CHD9: variants seen among roughly 807,000 people sequenced by gnomAD.
CHD9 encodes chromodomain helicase DNA binding protein 9.
CHD9 carries 77 observed loss-of-function variants against 316.1 expected under a neutral mutation model. The observed-to-expected ratio is 0.24, with a 90% CI of 0.20 to 0.29. The LOEUF (loss-of-function observed/expected upper bound fraction) is 0.29, where lower values mean the gene tolerates loss of function less well. Ranked by LOEUF, CHD9 falls within the 10% of genes least tolerant of loss-of-function variation. CHD9 has a pLI of 1.00. For missense variants in CHD9, 2,763 were observed against 3,438.1 expected (o/e 0.80, Z 4.91); for synonymous variants, 1,129 against 1,158.3 (o/e 0.97, Z 0.51).
intron 23 of CHD9, 141 bp downstream of exon 23, chr16:53,273,926 A>T (rs2052540833): frequency 1.3e-6 from 1 of 791,044 alleles, no homozygotes; most frequent in South Asian, 1.9e-5. Flanking sequence ...AAGGTATCCT[A>T]CAAGCAAATC....
In CHD9 at chr16:53,222,644, C is replaced by A; in HGVS notation, c.1785C>A (p.Gly595=). 1.4e-6 allele frequency: 2 copies of A among 1,383,150 alleles called. No individual in the cohort carries two copies. Among genetic ancestry groups the A allele is most frequent in the Non-Finnish European group, 1.0e-6 (1 of 990,608 alleles). 85.7% of individuals were successfully genotyped at this position (1,383,150 alleles called of 1,614,324 possible). Residue 595 remains glycine, a splice_region_variant and synonymous_variant, in exon 4 of 39, where the codon GGC becomes GGA. Transcript: ENST00000447540. The stretch of plus-strand genomic sequence containing the variant: ...TTTTATTCTTTTCCTCTTGAAACAG[C>A]AAACTCATTATTACATTGGGTAAGA... ...CSKLKEKTKI[G]KLIITLGKKQ...
At chr16:53,198,731 T>G (rs2045174343) in intron 2 of CHD9, among the ~76,000 whole-genome samples, 1 of 152,210 alleles carries the variant, frequency 6.6e-6, no homozygotes, top group African/African-American at 2.4e-5. Context: ...TCTTGTGTCC[T>G]TTTTCTCTTA....
At chr16:53,263,153 T>G in intron 20 of CHD9, 56 bp downstream of exon 20, 1 of 1,303,032 alleles carries the variant, frequency 7.7e-7, no homozygotes, top group Non-Finnish European at 1.1e-6. Context: ...TTGGCAATAG[T>G]ATTGTAATAT....
In CHD9 at chr16:53,281,571, C is replaced by T. The variant is rs771046744; in HGVS notation, c.4968-4025C>T. On this transcript the variant is annotated intron_variant, in intron 24 of 38. Coordinates refer to ENST00000447540, the MANE Select transcript of CHD9 (RefSeq NM_001308319.2). ...TTCTAAAGCAAAAATCAGGTCTTGG[C>T]ACTCCTTAACACCCTCCAGATGTTT... Among the ~76,000 whole-genome samples, 12 of 152,300 alleles carry T rather than the reference C, an allele frequency of 7.9e-5. 1 individual carries two copies. In the South Asian group the frequency reaches 1.5e-3, roughly 18 times the overall value.
chr16:53,105,276 A>G (rs1807801672), intron 1 of CHD9, among the ~76,000 whole-genome samples: 1 of 152,162 alleles, frequency 6.6e-6, no homozygotes. Context: ...AGAAGAAGCC[A>G]ATAATTTCAG....
rs151003433 is a variant in CHD9, at chr16:53,094,167, A to G, written c.-165+39090A>G. 4.1e-3 allele frequency among the ~76,000 whole-genome samples: 632 copies of G among 152,320 alleles called. 19 individuals are homozygous for G. The highest frequency in any genetic ancestry group is 0.038 in the Admixed American group (576 of 15,298). Reference sequence around the variant, plus strand: ...CCGCAGAGCAGGAGAGAAGGTGTCTAGGCCTATGGGCTTGGTGACCAAACT... The same window carrying G: ...CCGCAGAGCAGGAGAGAAGGTGTCTGGGCCTATGGGCTTGGTGACCAAACT... On this transcript the variant is annotated intron_variant, in intron 1 of 38. Coordinates refer to ENST00000447540, the MANE Select transcript of CHD9 (RefSeq NM_001308319.2).
chr16:53,314,654 T>C, intron 35 of CHD9, 138 bp downstream of exon 35: 2 of 977,328 alleles, frequency 2.0e-6, no homozygotes, highest in Non-Finnish European at 3.0e-6. Flanking sequence ...TTAGATGATA[T>C]CTTAGAATCT....
At chr16:53,282,922 T>C (rs1252174799) in intron 24 of CHD9, among the ~76,000 whole-genome samples, 1 of 152,154 alleles carries the variant, frequency 6.6e-6, no homozygotes, top group Admixed American at 6.6e-5. Flanking sequence ...TCTCGTCACT[T>C]ACTCTTCTTG....
chr16:53,222,740 A>T lies in CHD9; in HGVS notation c.1881A>T (p.Lys627Asn). 6.6e-7 allele frequency: 1 copy of T among 1,516,418 alleles called. No homozygotes were observed. Among genetic ancestry groups the T allele is most frequent in the African/African-American group, 1.4e-5 (1 of 72,818 alleles). 93.9% of individuals were successfully genotyped at this position (1,516,418 alleles called of 1,614,324 possible). A position where few individuals can be genotyped will look rare whatever the true frequency, so the allele number is the denominator to read the frequency against. Residue 627 changes from lysine (K) to asparagine (N), a missense_variant, in exon 4 of 39, where the codon AAA (lysine) becomes AAT (asparagine). Physicochemically the swap from Lys to Asn is moderately conservative, Grantham distance 94 (BLOSUM62 0). Transcript: ENST00000447540. ...AACAGATGCCACAGCATACATTAAA[A>T]GATCAAGACTCTCAAGTGAGTATTA... ...DAEQMPQHTL[K>N]DQDSQKRRSN...
At chr16:53,063,065 A>G (rs577340973) in intron 1 of CHD9, among the ~76,000 whole-genome samples, 1 of 152,242 alleles carries the variant, frequency 6.6e-6, no homozygotes, top group Admixed American at 6.5e-5. Flanking sequence ...AGAAAAATAT[A>G]TATGTATAAA....
chr16:53,072,320 C>CA (rs2034139060), intron 1 of CHD9, among the ~76,000 whole-genome samples: 1 of 144,000 alleles, frequency 6.9e-6, no homozygotes, highest in Admixed American at 7.0e-5. Flanking sequence ...AGCCATAAGT[C>CA]TTTTTTTTTT....
intron 20 of CHD9, among the ~76,000 whole-genome samples, chr16:53,264,239 A>T (rs1339366080): frequency 6.6e-6 from 1 of 152,144 alleles, no homozygotes; most frequent in Admixed American, 6.5e-5. Flanking sequence ...AACTAGAAAA[A>T]ATAATTTTAA....
At chr16:53,111,879 A>T (rs1260255532) in intron 1 of CHD9, among the ~76,000 whole-genome samples, 1 of 152,216 alleles carries the variant, frequency 6.6e-6, no homozygotes, top group Non-Finnish European at 1.5e-5. Context: ...AATTAGCTAT[A>T]ATTTGTTGAC....
chr16:53,064,394 A>G (rs2033290866), intron 1 of CHD9, among the ~76,000 whole-genome samples: 1 of 151,812 alleles, frequency 6.6e-6, no homozygotes, highest in Non-Finnish European at 1.5e-5. Flanking sequence ...TTTTTTTTGC[A>G]GGTTTCCCAC....
At chr16:53,097,347 TCG>T (rs2036459695) in intron 1 of CHD9, among the ~76,000 whole-genome samples, 1 of 146,220 alleles carries the variant, frequency 6.8e-6, no homozygotes, top group Admixed American at 6.9e-5. Flanking sequence ...TCCTCTAACC[TCG>T]CTCTCCCTTC....
At chr16:53,109,673 G>GTTTTTTT (rs1472499524) in intron 1 of CHD9, among the ~76,000 whole-genome samples, 3 of 82,974 alleles carry the variant, frequency 3.6e-5, no homozygotes, top group African/African-American at 1.5e-4. Context: ...TGGATTCCCA[G>GTTTTTTT]TTTCTTTTTT....
At chr16:53,108,199 A>C (rs530501606) in intron 1 of CHD9, among the ~76,000 whole-genome samples, 2 of 152,326 alleles carry the variant, frequency 1.3e-5, no homozygotes, top group South Asian at 4.1e-4. Flanking sequence ...AAAATGCTAA[A>C]GTAGAAATAT....
intron 1 of CHD9, among the ~76,000 whole-genome samples, chr16:53,138,638 A>G (rs758362505): frequency 1.3e-5 from 2 of 152,248 alleles, no homozygotes; most frequent in Admixed American, 1.3e-4. Context: ...GAGGCTTCAT[A>G]TAGAAGATAG....
intron 1 of CHD9, among the ~76,000 whole-genome samples, chr16:53,123,485 T>C (rs1298107868): frequency 6.6e-6 from 1 of 152,084 alleles, no homozygotes; most frequent in Non-Finnish European, 1.5e-5. Context: ...ATACTTTTTA[T>C]TTTTTAATTT....
Sources: gnomAD v4.1 joint callset for allele counts (sites outside exome capture counted in the v4.1 genomes callset) on GRCh38, gnomAD v4.1.1 for gene constraint, MANE v1.5 for transcripts, NCBI Gene and HGNC (gene_info 2026-07-23, HGNC 2026-07-21) for gene names.